Variants in NRXN3 observed in about 807,000 individuals in gnomAD.
NRXN3 encodes the protein neurexin III.
In NRXN3, 32 loss-of-function variants were observed where a neutral mutation model predicts 137.6. The ratio of observed to expected loss-of-function variants is 0.23; its 90% confidence interval spans 0.18 to 0.31. The LOEUF is 0.31. Among genes scored for constraint, NRXN3 ranks in the 10% least tolerant of loss-of-function variants. The pLI is 1.00. For missense variants in NRXN3, 1,574 were observed against 2,062.5 expected, an observed-to-expected ratio of 0.76 and a Z score of 4.59; for synonymous variants, 798 against 784.5, an observed-to-expected ratio of 1.02 and a Z score of -0.29.
In NRXN3 at chr14:78,326,312, C is replaced by T. The variant is rs56199623; in HGVS notation, c.757+28452C>T. ...CACTCAGGGTTCTTTTGGCTGCTTG[C>T]AGCCTTAACATGTGCTGAGAGGAGA... On this transcript the variant is annotated intron_variant, in intron 4 of 20. Transcript: ENST00000335750. Among the ~76,000 whole-genome samples, 142 of 152,314 alleles carry T rather than the reference C, an allele frequency of 9.3e-4. 2 individuals carry two copies. Among genetic ancestry groups the T allele is most frequent in the African/African-American group, 3.3e-3 (139 of 41,580 alleles).
At chr14:78,462,573 C>T (rs112635553) in intron 4 of NRXN3, among the ~76,000 whole-genome samples, 3,174 of 152,214 alleles carry the variant, frequency 0.021, 99 homozygotes, top group African/African-American at 0.073. Flanking sequence ...CTCCAGCTCC[C>T]CTTATCAGAC....
chr14:79,831,586 T>C (rs1266058762), intron 20 of NRXN3, among the ~76,000 whole-genome samples: 1 of 152,200 alleles, frequency 6.6e-6, no homozygotes, highest in Non-Finnish European at 1.5e-5. Flanking sequence ...CTAGCTTCAC[T>C]TAGTATGCCT....
intron 4 of NRXN3, among the ~76,000 whole-genome samples, chr14:78,349,636 T>A (rs1236642685): frequency 1.3e-5 from 2 of 152,212 alleles, no homozygotes. Flanking sequence ...CTTAGTATTA[T>A]TTCTCCAGCA....
At chr14:78,921,124 C>T (rs1270941638) in intron 10 of NRXN3, among the ~76,000 whole-genome samples, 1 of 152,194 alleles carries the variant, frequency 6.6e-6, no homozygotes, top group Admixed American at 6.6e-5. Context: ...AAAAGCTACC[C>T]TTTTCTCCCC....
chr14:78,547,797 C>T (rs2096650705), intron 4 of NRXN3, among the ~76,000 whole-genome samples: 1 of 129,930 alleles, frequency 7.7e-6, no homozygotes, highest in Non-Finnish European at 1.7e-5. Flanking sequence ...AGAAAAGGTA[C>T]TGATTTTGTA....
intron 15 of NRXN3, among the ~76,000 whole-genome samples, chr14:79,427,658 C>T (rs1429610454): frequency 1.3e-5 from 2 of 151,906 alleles, no homozygotes; most frequent in Non-Finnish European, 2.9e-5. Flanking sequence ...ATGGTGAAAC[C>T]CCATCTCTAC....
intron 15 of NRXN3, among the ~76,000 whole-genome samples, chr14:79,102,126 A>C (rs77814217): frequency 0.028 from 4,333 of 152,184 alleles, 206 homozygotes; most frequent in African/African-American, 0.099. Flanking sequence ...ACTGTGAAAA[A>C]TAAATTTCTG....
intron 4 of NRXN3, among the ~76,000 whole-genome samples, chr14:78,639,501 G>A (rs935974709): frequency 1.3e-5 from 2 of 152,180 alleles, no homozygotes; most frequent in Non-Finnish European, 2.9e-5. Flanking sequence ...GAGGTAAAGA[G>A]TGTTATCTTC....
chr14:79,634,181 G>A (rs973736335), intron 16 of NRXN3, among the ~76,000 whole-genome samples: 9 of 152,176 alleles, frequency 5.9e-5, no homozygotes, highest in African/African-American at 2.2e-4. Flanking sequence ...AGAAAACAGG[G>A]TGGCTAGCCC....
At chr14:78,219,950 T>C (rs1170163034) in intron 1 of NRXN3, among the ~76,000 whole-genome samples, 1 of 151,032 alleles carries the variant, frequency 6.6e-6, no homozygotes, top group African/African-American at 2.4e-5. Context: ...GGAAGAGGGG[T>C]ATAGAAGAGA....
chr14:79,307,178 T>C (rs2086230937), intron 15 of NRXN3, among the ~76,000 whole-genome samples: 2 of 152,220 alleles, frequency 1.3e-5, no homozygotes, highest in African/African-American at 4.8e-5. Context: ...GTTTTATTAC[T>C]ACTATCCTAA....
chr14:79,332,726 A>G (rs1258844148), intron 15 of NRXN3, among the ~76,000 whole-genome samples: 1 of 150,884 alleles, frequency 6.6e-6, no homozygotes. Flanking sequence ...CCCTCAATAG[A>G]CTGTGAGGTC....
chr14:79,505,862 A>T (rs541658503), intron 16 of NRXN3, among the ~76,000 whole-genome samples: 1 of 152,316 alleles, frequency 6.6e-6, no homozygotes, highest in East Asian at 1.9e-4. Context: ...TTATTGTGTC[A>T]CAGTTTCTGT....
chr14:79,047,989 T>C (rs936977718), intron 15 of NRXN3, among the ~76,000 whole-genome samples: 13 of 152,158 alleles, frequency 8.5e-5, no homozygotes, highest in Admixed American at 3.3e-4. Context: ...ACATTAGCTC[T>C]TTAATAGTCT....
intron 4 of NRXN3, among the ~76,000 whole-genome samples, chr14:78,413,923 G>A (rs1285262453): frequency 6.6e-6 from 1 of 152,134 alleles, no homozygotes; most frequent in African/African-American, 2.4e-5. Flanking sequence ...CTGAATCATG[G>A]GGGCAGGTTT....
intron 15 of NRXN3, among the ~76,000 whole-genome samples, chr14:79,182,780 A>G (rs1473742932): frequency 1.3e-5 from 2 of 152,246 alleles, no homozygotes; most frequent in Admixed American, 6.5e-5. Context: ...GCATTAAACA[A>G]GTAATTACAC....
intron 6 of NRXN3, among the ~76,000 whole-genome samples, chr14:78,667,477 A>G (rs1327802876): frequency 1.3e-5 from 2 of 152,178 alleles, no homozygotes; most frequent in Non-Finnish European, 2.9e-5. Context: ...CCCTTTGAAA[A>G]CAGAGTTTTT....
intron 15 of NRXN3, among the ~76,000 whole-genome samples, chr14:79,381,396 A>G (rs2094466399): frequency 1.3e-5 from 2 of 151,998 alleles, no homozygotes; most frequent in African/African-American, 4.8e-5. Flanking sequence ...GAACTATATG[A>G]TCTCTGAAAG....
chr14:79,645,183 T>G (rs1008183249), intron 16 of NRXN3, among the ~76,000 whole-genome samples: 2 of 135,110 alleles, frequency 1.5e-5, no homozygotes. Context: ...TTAAATATAT[T>G]GTTTCCTGGA....
Sources: allele counts gnomAD v4.1 joint callset (sites outside exome capture counted in the v4.1 genomes callset), GRCh38; gene constraint gnomAD v4.1.1; transcripts MANE v1.5; gene names NCBI Gene and HGNC (gene_info 2026-07-23, HGNC 2026-07-21).